Variants in GATAD2B observed in about 807,000 individuals in gnomAD.
GATAD2B encodes GATA zinc finger domain containing 2B, also known as transcriptional repressor p66-beta.
Under a neutral mutation model 64.3 loss-of-function variants are expected in GATAD2B, and 8 were observed. The ratio of observed to expected loss-of-function variants is 0.12; its 90% CI spans 0.07 to 0.22. The LOEUF (loss-of-function observed/expected upper bound fraction) is 0.22, where lower values mean the gene tolerates loss of function less well. GATAD2B is among the 10% of genes least tolerant of loss of function. GATAD2B has a pLI of 1.00. For synonymous variants in GATAD2B, 281 were observed against 271.3 expected (o/e 1.04, Z -0.35); for missense variants, 453 against 752.0 (o/e 0.60, Z 4.65).
chr1:153,857,888 T>C (rs1334527628), intron 1 of GATAD2B, among the ~76,000 whole-genome samples: 1 of 152,220 alleles, frequency 6.6e-6, no homozygotes, highest in Non-Finnish European at 1.5e-5. Context: ...AGAACTTCCA[T>C]CTCATTGAAG....
In GATAD2B at chr1:153,809,556, G is replaced by A. The variant is rs537047171; in HGVS notation, c.*621C>T. On this transcript the variant is annotated 3_prime_UTR_variant, in exon 11 of 11. Transcript: ENST00000368655. The stretch of plus-strand genomic sequence containing the variant: ...AACACCCACAGGTAGGGTGCTATTC[G>A]TCCTTCTTTGATACCCCCCACCCTG... The A allele has an allele frequency of 8.6e-4, 131 of 152,462 alleles. No homozygotes were observed. Among genetic ancestry groups the A allele is most frequent in the Non-Finnish European group, 1.5e-3 (99 of 68,028 alleles). 9.4% of individuals were successfully genotyped at this position (152,462 alleles called of 1,614,324 possible). A position where few individuals can be genotyped will look rare whatever the true frequency, so the allele number is the denominator to read the frequency against.
In GATAD2B at chr1:153,805,193, G is replaced by T. The variant is rs4451582; in HGVS notation, c.*4984C>A. 0.41 allele frequency: 62,171 copies of T among 151,652 alleles called. 13,856 individuals carry two copies. Among genetic ancestry groups the T allele is most frequent in the Non-Finnish European group, 0.52 (35,080 of 67,898 alleles). The allele number at this position is 151,652 out of a possible 1,614,324, so 9.4% of individuals were successfully genotyped here. On this transcript the variant is annotated 3_prime_UTR_variant, in exon 11 of 11. Coordinates refer to ENST00000368655, the MANE Select transcript of GATAD2B (RefSeq NM_020699.4). ...AGAGTAGGAGTACTCAGCCCAGGCT[G>T]TGGGGAAATTGGGCCCCTGAAGGAG...
rs1207840450 is a variant in GATAD2B at position 153,808,970 on chromosome 1, A to T, written c.*1207T>A. On this transcript the variant is annotated 3_prime_UTR_variant, in exon 11 of 11. Transcript: ENST00000368655. ...GCAGCAGAGTAAGGACAGGACTCCAACCTGATTGTGTACCCCCAGCCTCTC... is the reference window on the plus strand; with the variant it reads ...GCAGCAGAGTAAGGACAGGACTCCATCCTGATTGTGTACCCCCAGCCTCTC... The T allele has an allele frequency of 6.6e-6, 1 of 152,132 alleles. No individual in the cohort carries two copies. The highest frequency in any genetic ancestry group is 1.5e-5 in the Non-Finnish European group (1 of 68,038). 9.4% of individuals were successfully genotyped at this position (152,132 alleles called of 1,614,324 possible). A position where few individuals can be genotyped will look rare whatever the true frequency, so the allele number is the denominator to read the frequency against.
intron 1 of GATAD2B, among the ~76,000 whole-genome samples, chr1:153,905,010 T>C (rs1677883804): frequency 6.6e-6 from 1 of 151,462 alleles, no homozygotes; most frequent in Non-Finnish European, 1.5e-5. Context: ...CTGGCCCTAA[T>C]TTTTGTCTTC....
At chr1:153,836,456 G>A (rs774993341) in intron 1 of GATAD2B, among the ~76,000 whole-genome samples, 1 of 151,406 alleles carries the variant, frequency 6.6e-6, no homozygotes, top group Non-Finnish European at 1.5e-5. Flanking sequence ...TCTCCATGTT[G>A]GCCAGGCTAG....
At chr1:153,870,117 T>C (rs1427682702) in intron 1 of GATAD2B, among the ~76,000 whole-genome samples, 1 of 152,062 alleles carries the variant, frequency 6.6e-6, no homozygotes, top group Admixed American at 6.6e-5. Flanking sequence ...CCAGCGCTAA[T>C]GTTTTGTATT....
chr1:153,876,722 G>A lies in GATAD2B; in HGVS notation c.-2+46011C>T, dbSNP rs139446848. 2.0e-3 allele frequency among the ~76,000 whole-genome samples: 300 copies of A among 152,362 alleles called. 2 individuals carry two copies. The highest frequency in any genetic ancestry group is 6.8e-3 in the African/African-American group (284 of 41,582). On this transcript the variant is annotated intron_variant, in intron 1 of 10. Transcript: ENST00000368655. ...ATCATTTAGAAAAGGTGATATGAGA[G>A]GTCAGGGCGGTGGCTCATGCCTATA...
intron 1 of GATAD2B, among the ~76,000 whole-genome samples, chr1:153,917,054 C>T (rs769510971): frequency 2.0e-5 from 3 of 150,948 alleles, no homozygotes; most frequent in Non-Finnish European, 4.4e-5. Context: ...GATCTACCCC[C>T]CTCGGCCTCC....
intron 2 of GATAD2B, chr1:153,827,732 A>G (rs572640176): frequency 4.4e-6 from 2 of 454,314 alleles, no homozygotes; most frequent in East Asian, 7.4e-5. Context: ...GTATATATTA[A>G]CTCACTTCCA....
chr1:153,855,480 TC>T (rs1676051789), intron 1 of GATAD2B, among the ~76,000 whole-genome samples: 1 of 151,950 alleles, frequency 6.6e-6, no homozygotes, highest in East Asian at 1.9e-4. Flanking sequence ...CCACCCACCT[TC>T]CCCCTCCCAA....
intron 1 of GATAD2B, among the ~76,000 whole-genome samples, chr1:153,868,658 G>A (rs1676556884): frequency 6.6e-6 from 1 of 151,730 alleles, no homozygotes; most frequent in Non-Finnish European, 1.5e-5. Flanking sequence ...ATTGAAACCA[G>A]GAAACAATAG....
Position 153,817,435 on chromosome 1 carries a change from C to G in GATAD2B, c.837G>C (p.Pro279=), listed in dbSNP as rs1364169556. The G allele has an allele frequency of 6.2e-7, 1 of 1,611,302 alleles. No homozygotes were observed. Among genetic ancestry groups the G allele is most frequent in the Non-Finnish European group, 8.5e-7 (1 of 1,179,186 alleles). The change falls in exon 6 of 11, where the codon CCG becomes CCC. Residue 279 remains proline, a synonymous_variant. Coordinates refer to ENST00000368655, the MANE Select transcript of GATAD2B (RefSeq NM_020699.4). ...TGGTGCGTACAAGGCCAGGCTTAGG[C>G]GGGCCCCGCTGACCCTGTAGCTGGG... The part of the protein sequence containing the change: ...NPAQLQGQRG[P]PKPGLVRTTT...
chr1:153,887,848 A>G (rs1312629370), intron 1 of GATAD2B, among the ~76,000 whole-genome samples: 1 of 152,100 alleles, frequency 6.6e-6, no homozygotes, highest in Non-Finnish European at 1.5e-5. Flanking sequence ...GTACTCTGGG[A>G]GGCCAAGGCA....
intron 1 of GATAD2B, among the ~76,000 whole-genome samples, chr1:153,860,956 C>G (rs867691012): frequency 1.4e-4 from 21 of 152,264 alleles, no homozygotes; most frequent in African/African-American, 4.6e-4. Flanking sequence ...ACTTTTTCAC[C>G]TAACCAGTAT....
At chr1:153,834,027 G>C (rs2101896260) in intron 1 of GATAD2B, among the ~76,000 whole-genome samples, 1 of 150,900 alleles carries the variant, frequency 6.6e-6, no homozygotes, top group South Asian at 2.1e-4. Flanking sequence ...TTTTGAGACA[G>C]AGTCTCACTC....
intron 1 of GATAD2B, among the ~76,000 whole-genome samples, chr1:153,850,262 G>A (rs775151717): frequency 1.2e-4 from 18 of 151,944 alleles, no homozygotes; most frequent in Non-Finnish European, 2.1e-4. Context: ...GACCAAGCTG[G>A]TGATAATAAT....
intron 1 of GATAD2B, among the ~76,000 whole-genome samples, chr1:153,849,288 A>G (rs1193658487): frequency 1.3e-5 from 2 of 152,240 alleles, no homozygotes; most frequent in African/African-American, 2.4e-5. Flanking sequence ...GATGGCAAAG[A>G]GAGGGTGCCC....
rs1364169556 is a variant in GATAD2B at position 153,817,435 on chromosome 1, C to T, written c.837G>A (p.Pro279=). The T allele has an allele frequency of 1.7e-5, 27 of 1,611,302 alleles. No homozygotes were observed. In the Admixed American group the frequency reaches 2.9e-4, roughly 17 times the overall value. ...TGGTGCGTACAAGGCCAGGCTTAGGCGGGCCCCGCTGACCCTGTAGCTGGG... is the reference window on the plus strand; with the variant it reads ...TGGTGCGTACAAGGCCAGGCTTAGGTGGGCCCCGCTGACCCTGTAGCTGGG... ...NPAQLQGQRG[P]PKPGLVRTTT... The change falls in exon 6 of 11, where the codon CCG becomes CCA. Residue 279 remains proline, a synonymous_variant. Transcript: ENST00000368655.
intron 3 of GATAD2B, 25 bp from the exon 4 acceptor site, chr1:153,818,947 C>T: frequency 6.2e-7 from 1 of 1,603,906 alleles, no homozygotes; most frequent in Non-Finnish European, 8.5e-7. Context: ...AGACTTTCAG[C>T]TATGGCAGCA....
Sources: allele counts gnomAD v4.1 joint callset (sites outside exome capture counted in the v4.1 genomes callset), GRCh38; gene constraint gnomAD v4.1.1; transcripts MANE v1.5; gene names NCBI Gene and HGNC (gene_info 2026-07-23, HGNC 2026-07-21).